The following DNAJC1 variants were observed in gnomAD, a reference collection of about 807,000 sequenced individuals.
DNAJC1 encodes the protein dnaJ homolog subfamily C member 1.
In DNAJC1, 58 loss-of-function variants were observed where a neutral mutation model predicts 76.6. The observed-to-expected ratio is 0.76, with a 90% CI of 0.61 to 0.94. The LOEUF (loss-of-function observed/expected upper bound fraction) is 0.94, where lower values mean the gene tolerates loss of function less well. Among genes scored for constraint, DNAJC1 ranks in the 40% least tolerant of loss-of-function variants. The pLI is 0.00. For missense variants in DNAJC1, 689 were observed against 677.3 expected (o/e 1.02, Z -0.19); for synonymous variants, 258 against 267.9 (o/e 0.96, Z 0.36).
chr10:21,852,786 A>G (rs1291369309), intron 8 of DNAJC1, among the ~76,000 whole-genome samples: 2 of 152,086 alleles, frequency 1.3e-5, no homozygotes, highest in Non-Finnish European at 2.9e-5. Context: ...CTATGCTAAG[A>G]AACAGGACAT....
At chr10:21,887,030 T>C (rs985499556) in intron 7 of DNAJC1, among the ~76,000 whole-genome samples, 2 of 152,034 alleles carry the variant, frequency 1.3e-5, no homozygotes, top group African/African-American at 2.4e-5. Flanking sequence ...CTGGTAAACA[T>C]CTTCAGCAAA....
intron 8 of DNAJC1, 136 bp downstream of exon 8, chr10:21,882,144 ACT>A (rs1836291875): frequency 2.5e-6 from 2 of 799,830 alleles, no homozygotes; most frequent in Non-Finnish European, 3.6e-6. Flanking sequence ...ACAGAGCGAG[ACT>A]CTGTCTCAAA....
At chr10:21,910,678 G>A (rs1836840650) in intron 6 of DNAJC1, among the ~76,000 whole-genome samples, 1 of 151,968 alleles carries the variant, frequency 6.6e-6, no homozygotes, top group Non-Finnish European at 1.5e-5. Context: ...GGAAGAGGGT[G>A]AGCTTCAGGA....
At chr10:21,840,712 A>G (rs1036384076) in intron 8 of DNAJC1, among the ~76,000 whole-genome samples, 2 of 152,210 alleles carry the variant, frequency 1.3e-5, no homozygotes, top group Admixed American at 6.5e-5. Context: ...CATCCCCATC[A>G]AGCTACCAAT....
chr10:21,843,127 G>GA (rs1410043589), intron 8 of DNAJC1, among the ~76,000 whole-genome samples: 1 of 152,068 alleles, frequency 6.6e-6, no homozygotes, highest in Non-Finnish European at 1.5e-5. Context: ...TGGAATTGAG[G>GA]AAAAATGTCT....
chr10:21,912,975 A>C (rs941609429), intron 6 of DNAJC1, among the ~76,000 whole-genome samples: 2 of 146,530 alleles, frequency 1.4e-5, no homozygotes, highest in Non-Finnish European at 3.0e-5. Context: ...TACTCCCTTT[A>C]CTCTTAGGCA....
At chr10:21,836,877 T>C (rs139086904) in intron 8 of DNAJC1, among the ~76,000 whole-genome samples, 4,508 of 152,240 alleles carry the variant, frequency 0.03, 110 homozygotes, top group Middle Eastern at 0.065. Flanking sequence ...ACAATAATAA[T>C]GGGAGAGCTC....
chr10:21,884,038 A>G (rs1836327903), intron 7 of DNAJC1, among the ~76,000 whole-genome samples: 1 of 152,212 alleles, frequency 6.6e-6, no homozygotes, highest in Non-Finnish European at 1.5e-5. Flanking sequence ...AAAATTTTGC[A>G]AAAAGAAATC....
intron 9 of DNAJC1, among the ~76,000 whole-genome samples, chr10:21,797,380 G>C (rs1834761290): frequency 6.6e-6 from 1 of 152,036 alleles, no homozygotes; most frequent in Non-Finnish European, 1.5e-5. Context: ...CAGGAAATGT[G>C]GTATCTCCAG....
At chr10:21,813,360 T>C (rs1337599956) in intron 8 of DNAJC1, among the ~76,000 whole-genome samples, 30 of 149,222 alleles carry the variant, frequency 2.0e-4, no homozygotes, top group African/African-American at 7.4e-4. Flanking sequence ...GGAAAGGACA[T>C]TGTCTCCCTC....
intron 9 of DNAJC1, among the ~76,000 whole-genome samples, chr10:21,790,021 A>G (rs1435674841): frequency 6.7e-6 from 1 of 149,814 alleles, no homozygotes; most frequent in East Asian, 1.9e-4. Flanking sequence ...AAAAAAAAAA[A>G]AAAAAAAAAA....
At chr10:21,790,219 T>C (rs1349987031) in intron 9 of DNAJC1, among the ~76,000 whole-genome samples, 2 of 150,610 alleles carry the variant, frequency 1.3e-5, no homozygotes, top group Non-Finnish European at 3.0e-5. Flanking sequence ...GTTCATATTA[T>C]GGAAGTTCCA....
chr10:21,849,119 G>A (rs1180675905), intron 8 of DNAJC1, among the ~76,000 whole-genome samples: 1 of 151,442 alleles, frequency 6.6e-6, no homozygotes, highest in African/African-American at 2.4e-5. Context: ...ACAAAACCCT[G>A]TTTCTACTAA....
At chr10:21,891,144 G>A (rs981056971) in intron 7 of DNAJC1, among the ~76,000 whole-genome samples, 1 of 151,698 alleles carries the variant, frequency 6.6e-6, no homozygotes, top group African/African-American at 2.4e-5. Flanking sequence ...GAGCCAAGAC[G>A]GTACCATTGC....
chr10:21,799,828 G>A (rs1222581544), intron 9 of DNAJC1, among the ~76,000 whole-genome samples: 5 of 151,992 alleles, frequency 3.3e-5, no homozygotes, highest in Non-Finnish European at 7.4e-5. Context: ...CTCACCCCAC[G>A]TATTTACCAT....
At position 21,918,880 on chromosome 10, in the gene DNAJC1, G is replaced by C. The variant is rs1471276136; in HGVS notation, c.636-8C>G. On this transcript the variant is annotated splice_region_variant and splice_polypyrimidine_tract_variant and intron_variant, in intron 5 of 11. Coordinates refer to ENST00000376980, the MANE Select transcript of DNAJC1 (RefSeq NM_022365.4). Reference sequence around the variant, plus strand: ...TGTGGTTTCATCAGCAATCTAAAGGGAGGGAGAAAAAAGAACACCATACAA... The same window carrying C: ...TGTGGTTTCATCAGCAATCTAAAGGCAGGGAGAAAAAAGAACACCATACAA... 6.2e-7 allele frequency: 1 copy of C among 1,605,668 alleles called. No homozygotes were observed. Among genetic ancestry groups the C allele is most frequent in the South Asian group, 1.1e-5 (1 of 90,818 alleles).
chr10:21,954,081 T>G (rs909845331), intron 1 of DNAJC1, among the ~76,000 whole-genome samples: 3 of 152,156 alleles, frequency 2.0e-5, no homozygotes, highest in African/African-American at 4.8e-5. Flanking sequence ...ATTAAACCTT[T>G]AGTTAAATTA....
chr10:21,889,095 C>T (rs1017191928), intron 7 of DNAJC1, among the ~76,000 whole-genome samples: 10 of 152,046 alleles, frequency 6.6e-5, no homozygotes, highest in Non-Finnish European at 1.2e-4. Context: ...CACAGCTCTG[C>T]GGGTTGTACA....
intron 8 of DNAJC1, among the ~76,000 whole-genome samples, chr10:21,814,480 C>T (rs1374638142): frequency 6.6e-6 from 1 of 152,174 alleles, no homozygotes; most frequent in African/African-American, 2.4e-5. Flanking sequence ...TTCATGAGCA[C>T]AAACCAGGCC....
Sources: gnomAD v4.1 joint callset for allele counts (sites outside exome capture counted in the v4.1 genomes callset) on GRCh38, gnomAD v4.1.1 for gene constraint, MANE v1.5 for transcripts, NCBI Gene and HGNC (gene_info 2026-07-23, HGNC 2026-07-21) for gene names.